The following LIG1 variants were observed in gnomAD, a reference collection of about 807,000 sequenced individuals.
LIG1 encodes the protein DNA ligase 1, also known as ligase I, DNA, ATP-dependent.
Under a neutral mutation model 115.7 loss-of-function variants are expected in LIG1, and 70 were observed. The ratio of observed to expected loss-of-function variants is 0.60; its 90% CI spans 0.50 to 0.74. The LOEUF is 0.74. Among genes scored for constraint, LIG1 ranks in the 30% least tolerant of loss-of-function variants. LIG1 has a pLI of 0.00. For synonymous variants in LIG1, 487 were observed against 495.3 expected, an observed-to-expected ratio of 0.98 and a Z score of 0.22; for missense variants, 1,115 against 1,225.6, an observed-to-expected ratio of 0.91 and a Z score of 1.35.
chr19:48,135,556 T>A (rs1040910908), intron 16 of LIG1, 124 bp downstream of exon 16: 4 of 809,362 alleles, frequency 4.9e-6, no homozygotes, highest in African/African-American at 1.7e-5. Context: ...AGTCACCCCG[T>A]GACCGGCACT....
chr19:48,135,946 G>T (rs895019091), intron 15 of LIG1, 88 bp downstream of exon 15: 67 of 1,140,276 alleles, frequency 5.9e-5, no homozygotes, highest in Non-Finnish European at 8.3e-5. Context: ...GCCCGCTGGG[G>T]AAGGGGCGGG....
Position 48,121,253 on chromosome 19 carries a change from G to C in LIG1, c.2302C>G (p.Arg768Gly), listed in dbSNP as rs371393033. 1 of 1,613,630 alleles carries C rather than the reference G, an allele frequency of 6.2e-7. No individual in the cohort carries two copies. Among genetic ancestry groups the C allele is most frequent in the Non-Finnish European group, 8.5e-7 (1 of 1,179,864 alleles). The stretch of plus-strand genomic sequence containing the variant: ...CCGTACCGGCCGGCCCGCTTCCCCC[G>C]GCCCAGGTAGGCGCCGATCACCACC... ...DLVVIGAYLGRGKRAGRYGGF... is the reference protein window; with the variant it reads ...DLVVIGAYLGGGKRAGRYGGF... Residue 768 changes from arginine to glycine, a missense_variant, in exon 24 of 28, where the codon CGG becomes GGG. Transcript: ENST00000263274.
rs112919836 is a variant in LIG1, at chr19:48,145,213, G to A, written c.777-1250C>T. On this transcript the variant is annotated intron_variant, in intron 9 of 27. Coordinates refer to ENST00000263274, the MANE Select transcript of LIG1 (RefSeq NM_000234.3). ...TGCGCCCGGCCTCAACCTTTATATC[G>A]TAAGTAGCTCACACTGACCCCAGCC... is the stretch of plus-strand genomic sequence containing the variant. 3.0e-4 allele frequency among the ~76,000 whole-genome samples: 45 copies of A among 152,170 alleles called. 2 individuals carry two copies. Among genetic ancestry groups the A allele is most frequent in the African/African-American group, 5.3e-4 (22 of 41,540 alleles).
rs576097809 is a variant in LIG1, at chr19:48,135,744, T to C, written c.1459A>G (p.Lys487Glu). Residue 487 changes from lysine to glutamate, a missense_variant, in exon 16 of 28, where the codon AAG becomes GAG. Transcript: ENST00000263274. ...PPAMVDAGKG[K>E]TAEARKTWLE... Reference sequence around the variant, plus strand: ...CACGTCTTTCTGGCCTCTGCTGTCTTGCCCTTCCCAGCATCCACCATGGCT... The same window carrying C: ...CACGTCTTTCTGGCCTCTGCTGTCTCGCCCTTCCCAGCATCCACCATGGCT... The C allele has an allele frequency of 3.1e-6, 5 of 1,614,214 alleles. No homozygotes were observed. The highest frequency in any genetic ancestry group is 2.2e-5 in the South Asian group (2 of 91,082).
chr19:48,132,932 C>T (rs1599773441), intron 18 of LIG1, 50 bp downstream of exon 18: 2 of 1,367,332 alleles, frequency 1.5e-6, no homozygotes, highest in African/African-American at 2.9e-5. Flanking sequence ...CACACCCCTG[C>T]TCTTTGACGT....
chr19:48,147,939 C>T (rs2035226105), intron 9 of LIG1, among the ~76,000 whole-genome samples: 1 of 152,182 alleles, frequency 6.6e-6, no homozygotes, highest in Non-Finnish European at 1.5e-5. Context: ...AAGGCTGGGA[C>T]CTCCCACAGC....
chr19:48,117,858 G>A (rs1227123969), intron 25 of LIG1, 77 bp from the exon 26 acceptor site: 30 of 1,532,982 alleles, frequency 2.0e-5, no homozygotes, highest in Non-Finnish European at 2.3e-5. Context: ...GGGCTGGGGA[G>A]AGGGAGGAAG....
At chr19:48,127,537 C>T in intron 20 of LIG1, 189 bp from the exon 21 acceptor site, 1 of 631,134 alleles carries the variant, frequency 1.6e-6, no homozygotes, top group African/African-American at 1.8e-5. Context: ...CCGACAACCT[C>T]ATTCCCCTTC....
At chr19:48,167,455 C>T (rs182250886) in intron 1 of LIG1, among the ~76,000 whole-genome samples, 4 of 152,050 alleles carry the variant, frequency 2.6e-5, no homozygotes, top group African/African-American at 4.8e-5. Flanking sequence ...CCGCACCACA[C>T]GCCTCTAAGT....
At chr19:48,162,650 G>C (rs1333347332) in intron 2 of LIG1, among the ~76,000 whole-genome samples, 1 of 152,008 alleles carries the variant, frequency 6.6e-6, no homozygotes, top group Non-Finnish European at 1.5e-5. Flanking sequence ...AGCCAGGATG[G>C]TCTCGATCTC....
chr19:48,127,127 C>G (rs2122470158), intron 21 of LIG1, 150 bp downstream of exon 21: 1 of 711,814 alleles, frequency 1.4e-6, no homozygotes, highest in East Asian at 2.5e-5. Context: ...CAGGGGTCCT[C>G]AGACCACACT....
chr19:48,136,943 C>G (rs2034427829), intron 14 of LIG1, 65 bp downstream of exon 14: 2 of 1,294,932 alleles, frequency 1.5e-6, no homozygotes, highest in African/African-American at 1.5e-5. Context: ...AGCTGCCAGT[C>G]CCTCCCTCCT....
chr19:48,161,600 C>T (rs2036181728), intron 3 of LIG1, 93 bp from the exon 4 acceptor site: 1 of 1,422,608 alleles, frequency 7.0e-7, no homozygotes, highest in Non-Finnish European at 9.9e-7. Context: ...TTGCTGTTTC[C>T]TTCCCTTCCT....
chr19:48,148,076 C>T (rs1214356088), intron 9 of LIG1, among the ~76,000 whole-genome samples: 1 of 135,910 alleles, frequency 7.4e-6, no homozygotes, highest in Non-Finnish European at 1.7e-5. Flanking sequence ...GGGAGAGGCA[C>T]CCGGCTTCCC....
rs1029902725 is a variant in LIG1 at position 48,117,983 on chromosome 19, G to T, written c.2440-202C>A. ...ATAGAAAGAGAAACAGAAAGTGAAA[G>T]AAGGGAAAAGAAACAAGACCCCCTT... On this transcript the variant is annotated intron_variant, in intron 25 of 27. Coordinates refer to ENST00000263274, the MANE Select transcript of LIG1 (RefSeq NM_000234.3). 12 of 619,274 alleles carry T rather than the reference G, an allele frequency of 1.9e-5. No homozygotes were observed. In the African/African-American group the frequency reaches 2.2e-4, roughly 11 times the overall value. The allele number at this position is 619,274 out of a possible 1,614,324, so 38.4% of individuals were successfully genotyped here.
At chr19:48,156,876 G>A in intron 5 of LIG1, 138 bp downstream of exon 5, 1 of 692,774 alleles carries the variant, frequency 1.4e-6, no homozygotes, top group South Asian at 2.2e-5. Context: ...GGGAGGCGGA[G>A]GTCAGTGAGC....
chr19:48,149,894 C>T, intron 8 of LIG1, 53 bp from the exon 9 acceptor site: 4 of 1,576,018 alleles, frequency 2.5e-6, no homozygotes, highest in African/African-American at 1.3e-5. Context: ...GTAGCCCCCA[C>T]CTCCCATCCA....
chr19:48,119,240 C>T lies in LIG1; in HGVS notation c.2386-50G>A, dbSNP rs996473139. On this transcript the variant is annotated intron_variant, in intron 24 of 27. Coordinates refer to ENST00000263274, the MANE Select transcript of LIG1 (RefSeq NM_000234.3). ...GAGGCTCAGCCAGCCACAGGCCCAG[C>T]ACTTGCTCCTGCCATCTAAAGCTGT... The T allele has an allele frequency of 3.4e-6, 5 of 1,452,144 alleles. No individual in the cohort carries two copies. The Admixed American group carries it at 7.6e-5, about 22-fold the overall frequency. 90.0% of individuals were successfully genotyped at this position (1,452,144 alleles called of 1,614,324 possible). A position where few individuals can be genotyped will look rare whatever the true frequency, so the allele number is the denominator to read the frequency against.
At chr19:48,153,419 T>C (rs1297775132) in intron 6 of LIG1, among the ~76,000 whole-genome samples, 4 of 150,550 alleles carry the variant, frequency 2.7e-5, no homozygotes, top group African/African-American at 9.7e-5. Context: ...AGAGGAAAAA[T>C]AGTTTCCATT....
Sources: allele counts gnomAD v4.1 joint callset (sites outside exome capture counted in the v4.1 genomes callset), GRCh38; gene constraint gnomAD v4.1.1; transcripts MANE v1.5; gene names NCBI Gene and HGNC (gene_info 2026-07-23, HGNC 2026-07-21).